SLMAP: variants seen among roughly 807,000 people sequenced by gnomAD.
SLMAP encodes sarcolemmal membrane-associated protein.
Under a neutral mutation model 128.8 loss-of-function variants are expected in SLMAP, and 44 were observed. The observed-to-expected ratio is 0.34, with a 90% CI of 0.27 to 0.44. The LOEUF is 0.44. Ranked by LOEUF, SLMAP falls within the 20% of genes least tolerant of loss-of-function variation. SLMAP has a pLI of 1.00. For missense variants in SLMAP, 787 were observed against 985.3 expected (o/e 0.80, Z 2.69); for synonymous variants, 327 against 348.8 (o/e 0.94, Z 0.70).
At chr3:57,803,042 T>A (rs2088940422) in intron 2 of SLMAP, among the ~76,000 whole-genome samples, 1 of 152,166 alleles carries the variant, frequency 6.6e-6, no homozygotes, top group African/African-American at 2.4e-5. Context: ...AACTATGCAG[T>A]ATGAGTGTAA....
rs542210791 is a variant in SLMAP, at chr3:57,838,355, T to G, written c.347-2944T>G. 3.9e-5 allele frequency among the ~76,000 whole-genome samples: 6 copies of G among 152,302 alleles called. No individual in the cohort carries two copies. The East Asian group carries it at 1.2e-3, about 29-fold the overall frequency. On this transcript the variant is annotated intron_variant, in intron 3 of 24. Transcript: ENST00000671191. ...CTGGGAAAGGAGAAAGCTAGGTGGTTCCTACAAATAGAGATGAACCCTAAT... is the reference window on the plus strand; with the variant it reads ...CTGGGAAAGGAGAAAGCTAGGTGGTGCCTACAAATAGAGATGAACCCTAAT...
In SLMAP at chr3:57,912,457, T is replaced by C. The variant is rs554868355; in HGVS notation, c.1776T>C (p.Asp592=). 3.3e-4 allele frequency: 527 copies of C among 1,614,144 alleles called. 2 individuals carry two copies. In the South Asian group the frequency reaches 5.3e-3, roughly 16 times the overall value. The part of the protein sequence containing the change: ...EKDSEITSTR[D]ELLSARDEIL... The stretch of plus-strand genomic sequence containing the variant: ...ACAGTGAAATCACAAGTACTAGAGA[T>C]GAATTGCTTAGTGCCCGAGATGAAA... Residue 592 remains aspartate (D), a synonymous_variant, in exon 20 of 25, where the codon GAT becomes GAC. Coordinates refer to ENST00000671191, the MANE Select transcript of SLMAP (RefSeq NM_001377540.1).
chr3:57,873,891 C>T (rs141780045), intron 14 of SLMAP, among the ~76,000 whole-genome samples: 23,995 of 152,046 alleles, frequency 0.16, 2,429 homozygotes, highest in East Asian at 0.43. Flanking sequence ...AAGGCTGAGG[C>T]GGGCTGATCA....
intron 9 of SLMAP, 46 bp from the exon 10 acceptor site, chr3:57,861,903 A>G (rs948622026): frequency 2.0e-6 from 3 of 1,529,184 alleles, no homozygotes; most frequent in Non-Finnish European, 2.7e-6. Context: ...CTAAATAACA[A>G]ATATACACTT....
chr3:57,870,085 T>C (rs1001931137), intron 13 of SLMAP, among the ~76,000 whole-genome samples: 1 of 152,122 alleles, frequency 6.6e-6, no homozygotes, highest in Non-Finnish European at 1.5e-5. Context: ...AGGATGTCCC[T>C]CTTTAATAAA....
At chr3:57,903,726 C>T (rs1312428475) in intron 17 of SLMAP, among the ~76,000 whole-genome samples, 1 of 152,162 alleles carries the variant, frequency 6.6e-6, no homozygotes, top group East Asian at 1.9e-4. Context: ...ATATACAATT[C>T]ATGTTAAGGA....
chr3:57,789,963 A>C (rs1055920813), intron 2 of SLMAP, among the ~76,000 whole-genome samples: 1 of 152,078 alleles, frequency 6.6e-6, no homozygotes. Context: ...CAGCCTCCCA[A>C]GTAGCTGGGA....
chr3:57,857,627 A>G (rs781545213), intron 6 of SLMAP, 106 bp from the exon 7 acceptor site: 18 of 742,512 alleles, frequency 2.4e-5, no homozygotes, highest in Admixed American at 1.6e-4. Flanking sequence ...AAATACATCA[A>G]GTGGGATGTA....
intron 2 of SLMAP, among the ~76,000 whole-genome samples, chr3:57,774,785 A>G (rs2081504720): frequency 6.6e-6 from 1 of 152,032 alleles, no homozygotes; most frequent in South Asian, 2.1e-4. Context: ...CAGCCTCCCA[A>G]AATGCTGGGA....
At chr3:57,862,196 T>C (rs2095102438) in intron 10 of SLMAP, 110 bp downstream of exon 10, 1 of 791,196 alleles carries the variant, frequency 1.3e-6, no homozygotes, top group African/African-American at 1.8e-5. Context: ...CGGGCGCCTG[T>C]AATCCCAGCT....
intron 4 of SLMAP, among the ~76,000 whole-genome samples, chr3:57,841,883 G>A (rs752486736): frequency 5.9e-5 from 9 of 152,122 alleles, no homozygotes; most frequent in Admixed American, 1.3e-4. Flanking sequence ...TCATTTAGAG[G>A]CCGACATTTG....
At position 57,912,444 on chromosome 3, in the gene SLMAP, C is replaced by G; in HGVS notation, c.1763C>G (p.Thr588Arg). ...CGGGAGGAGAAGGACAGTGAAATCA[C>G]AAGTACTAGAGATGAATTGCTTAGT... Reference protein sequence around the residue: ...NLREEKDSEITSTRDELLSAR... With the variant: ...NLREEKDSEIRSTRDELLSAR... Residue 588 changes from threonine to arginine, a missense_variant, in exon 20 of 25, where the codon ACA becomes AGA. Thr to Arg is a moderately conservative substitution (Grantham distance 71). Around this residue, in one of 2 missense-constraint regions of SLMAP, gnomAD observed 715 missense variants for 843.6 expected, o/e 0.85. Transcript: ENST00000671191. The G allele has an allele frequency of 1.2e-6, 2 of 1,614,114 alleles. No homozygotes were observed. Among genetic ancestry groups the G allele is most frequent in the Non-Finnish European group, 1.7e-6 (2 of 1,179,978 alleles).
At position 57,896,904 on chromosome 3, in the gene SLMAP, G is replaced by A. The variant is rs781766323; in HGVS notation, c.1473G>A (p.Glu491=). ...AAATGGATGAGCAAGACCTAAATGA[G>A]CCTCTTGCCAAAGTGTCCCTTTTAA... is the stretch of plus-strand genomic sequence containing the variant. ...DAQMDEQDLN[E]PLAKVSLLKD... is the part of the protein sequence containing the mutation. Residue 491 remains glutamate (E), a synonymous_variant, in exon 17 of 25, where the codon GAG becomes GAA. Transcript: ENST00000671191. The A allele has an allele frequency of 5.0e-6, 8 of 1,611,848 alleles. No homozygotes were observed. The highest frequency in any genetic ancestry group is 4.0e-5 in the African/African-American group (3 of 74,764).
rs566690879 is a variant in SLMAP, at chr3:57,796,591, A to G, written c.199-34792A>G. On this transcript the variant is annotated intron_variant, in intron 2 of 24. Transcript: ENST00000671191. ...AGAACGATTTGGCAACAGTCACCAT[A>G]TAAGTATTAGCTATTATTATACCCT... 5.3e-5 allele frequency among the ~76,000 whole-genome samples: 8 copies of G among 152,370 alleles called. No homozygotes were observed. The East Asian group carries it at 5.8e-4, about 11-fold the overall frequency.
chr3:57,833,551 C>G (rs545284529), intron 3 of SLMAP, among the ~76,000 whole-genome samples: 1 of 151,920 alleles, frequency 6.6e-6, no homozygotes, highest in Non-Finnish European at 1.5e-5. Context: ...TCTCGAGTAG[C>G]TGGGACTACA....
At position 57,789,191 on chromosome 3, in the gene SLMAP, G is replaced by T. The variant is rs1257226510; in HGVS notation, c.198+31342G>T. Among the ~76,000 whole-genome samples, 5 of 152,178 alleles carry T rather than the reference G, an allele frequency of 3.3e-5. No homozygotes were observed. In the East Asian group the frequency reaches 9.6e-4, roughly 29 times the overall value. On this transcript the variant is annotated intron_variant, in intron 2 of 24. Coordinates refer to ENST00000671191, the MANE Select transcript of SLMAP (RefSeq NM_001377540.1). Reference sequence around the variant, plus strand: ...GTTGGTAAGGAAAAAATTATTCAATGACACTTGTTAAAGCATGGTAAGGAA... The same window carrying T: ...GTTGGTAAGGAAAAAATTATTCAATTACACTTGTTAAAGCATGGTAAGGAA...
chr3:57,759,783 C>T (rs959841698), intron 2 of SLMAP, among the ~76,000 whole-genome samples: 10 of 152,168 alleles, frequency 6.6e-5, no homozygotes, highest in East Asian at 1.9e-4. Flanking sequence ...ATGAAACACT[C>T]GAAGGGGACT....
intron 2 of SLMAP, among the ~76,000 whole-genome samples, chr3:57,803,804 A>G (rs2089177686): frequency 6.6e-6 from 1 of 152,130 alleles, no homozygotes; most frequent in Non-Finnish European, 1.5e-5. Flanking sequence ...TAAATCCTGA[A>G]TCCAGTTGTT....
chr3:57,927,310 G>T lies in SLMAP; in HGVS notation c.*21G>T, dbSNP rs748361715. 10 of 1,605,912 alleles carry T rather than the reference G, an allele frequency of 6.2e-6. 1 individual carries two copies. In the South Asian group the frequency reaches 1.0e-4, roughly 16 times the overall value. On this transcript the variant is annotated 3_prime_UTR_variant, in exon 25 of 25. Coordinates refer to ENST00000671191, the MANE Select transcript of SLMAP (RefSeq NM_001377540.1). ...TTTCCACACAGAAACCCTGGCCCTG[G>T]ATGCCCATGTTGGCTGCCCTGGTTG...
Sources: gnomAD v4.1 joint callset for allele counts (sites outside exome capture counted in the v4.1 genomes callset) on GRCh38, gnomAD v4.1.1 for gene constraint, gnomAD v4.1.1 regional missense constraint, MANE v1.5 for transcripts, NCBI Gene and HGNC (gene_info 2026-07-23, HGNC 2026-07-21) for gene names.